The following PHLPP1 variants were observed in gnomAD, a reference collection of about 807,000 sequenced individuals.
PHLPP1 encodes the protein PH domain leucine-rich repeat-containing protein phosphatase 1.
PHLPP1 carries 42 observed loss-of-function variants against 117.2 expected under a neutral mutation model. The ratio of observed to expected loss-of-function variants is 0.36; its 90% CI spans 0.28 to 0.46. The LOEUF (loss-of-function observed/expected upper bound fraction) is 0.46, where lower values mean the gene tolerates loss of function less well. Among genes scored for constraint, PHLPP1 ranks in the 20% least tolerant of loss-of-function variants. The pLI, the probability that PHLPP1 is intolerant of heterozygous loss-of-function variation, is 1.00. For synonymous variants in PHLPP1, 1,042 were observed against 970.7 expected (o/e 1.07, Z -1.37); for missense variants, 2,084 against 2,241.9 (o/e 0.93, Z 1.42).
chr18:62,779,909 G>GATCC (rs761977261), intron 1 of PHLPP1, among the ~76,000 whole-genome samples: 2 of 152,174 alleles, frequency 1.3e-5, no homozygotes, highest in Non-Finnish European at 1.5e-5. Context: ...CTCTGGGCTG[G>GATCC]AGGTCAGGAA....
chr18:62,737,864 T>C (rs1911413048), intron 1 of PHLPP1, among the ~76,000 whole-genome samples: 1 of 152,168 alleles, frequency 6.6e-6, no homozygotes, highest in Non-Finnish European at 1.5e-5. Context: ...GATAATTGTT[T>C]ACAATGTAGA....
intron 10 of PHLPP1, among the ~76,000 whole-genome samples, chr18:62,933,042 A>T (rs1909864614): frequency 6.6e-6 from 1 of 152,224 alleles, no homozygotes; most frequent in Non-Finnish European, 1.5e-5. Context: ...AATACCTAGG[A>T]ATACATTTAT....
intron 1 of PHLPP1, among the ~76,000 whole-genome samples, chr18:62,788,164 T>A (rs1424153375): frequency 3.3e-5 from 5 of 152,176 alleles, no homozygotes; most frequent in Admixed American, 2.0e-4. Context: ...CCTTTTAAGT[T>A]TGTTTTCTTT....
chr18:62,951,887 T>C (rs1910470385), intron 12 of PHLPP1, among the ~76,000 whole-genome samples: 1 of 148,360 alleles, frequency 6.7e-6, no homozygotes, highest in Admixed American at 6.8e-5. Context: ...CGATCTTGGC[T>C]CACTGCAAGC....
chr18:62,979,642 T>C lies in PHLPP1; in HGVS notation c.*211T>C. ...TTCTAGTGATGCTTTACCAATATGATTTACATTTGTTAACTTCTCCCCCTA... is the reference window on the plus strand; with the variant it reads ...TTCTAGTGATGCTTTACCAATATGACTTACATTTGTTAACTTCTCCCCCTA... On this transcript the variant is annotated 3_prime_UTR_variant, in exon 17 of 17. Transcript: ENST00000262719. The C allele has an allele frequency of 3.4e-6, 2 of 587,028 alleles. No homozygotes were observed. The highest frequency in any genetic ancestry group is 3.0e-6 in the Non-Finnish European group (1 of 334,112). 36.4% of individuals were successfully genotyped at this position (587,028 alleles called of 1,614,324 possible). A position where few individuals can be genotyped will look rare whatever the true frequency, so the allele number is the denominator to read the frequency against.
intron 4 of PHLPP1, among the ~76,000 whole-genome samples, chr18:62,869,301 T>C (rs1282561379): frequency 2.0e-5 from 3 of 152,176 alleles, no homozygotes; most frequent in African/African-American, 4.8e-5. Context: ...TCTGCTGGAA[T>C]TGGGGAGAGG....
chr18:62,780,405 C>G (rs117211109), intron 1 of PHLPP1, among the ~76,000 whole-genome samples: 209 of 152,244 alleles, frequency 1.4e-3, no homozygotes, highest in Non-Finnish European at 2.2e-3. Flanking sequence ...GGTTCTCAAC[C>G]TTTTTCTTCT....
intron 1 of PHLPP1, chr18:62,731,362 T>A (rs1170105729): frequency 6.6e-6 from 1 of 152,206 alleles, no homozygotes; most frequent in African/African-American, 2.4e-5. Flanking sequence ...GTTAAGGTGA[T>A]CTGTGATCGG....
chr18:62,777,701 T>A (rs1913002094), intron 1 of PHLPP1, among the ~76,000 whole-genome samples: 1 of 152,170 alleles, frequency 6.6e-6, no homozygotes, highest in Non-Finnish European at 1.5e-5. Flanking sequence ...TTTCCGTCAC[T>A]GTCTATATTT....
At position 62,954,243 on chromosome 18, in the gene PHLPP1, A is replaced by G. The variant is rs768166715; in HGVS notation, c.3325-4386A>G. On this transcript the variant is annotated intron_variant, in intron 12 of 16. Transcript: ENST00000262719. ...CTTACCAGAATTTTGATTATAACAA[A>G]GTAATTTTTGTTAGCTATATTCTAG... is the stretch of plus-strand genomic sequence containing the variant. Among the ~76,000 whole-genome samples the G allele has an allele frequency of 1.1e-4, 16 of 152,226 alleles. 1 individual carries two copies. Among genetic ancestry groups the G allele is most frequent in the Admixed American group, 7.2e-4 (11 of 15,284 alleles).
At chr18:62,804,849 A>G (rs1243935382) in intron 1 of PHLPP1, among the ~76,000 whole-genome samples, 1 of 148,774 alleles carries the variant, frequency 6.7e-6, no homozygotes, top group Non-Finnish European at 1.5e-5. Flanking sequence ...ACAGTATAAT[A>G]TACACTATAT....
At chr18:62,831,366 C>T (rs1340276060) in intron 2 of PHLPP1, among the ~76,000 whole-genome samples, 2 of 148,510 alleles carry the variant, frequency 1.3e-5, no homozygotes, top group Non-Finnish European at 3.0e-5. Context: ...GAGATGGAGT[C>T]TTGCTCTGTT....
chr18:62,754,458 G>A (rs2144239593), intron 1 of PHLPP1, among the ~76,000 whole-genome samples: 1 of 152,350 alleles, frequency 6.6e-6, no homozygotes, highest in Non-Finnish European at 1.5e-5. Context: ...GTAATAAAAT[G>A]TGTTTGGCTT....
chr18:62,715,847 T>G lies in PHLPP1; in HGVS notation c.164T>G (p.Leu55Arg), dbSNP rs1166481756. 5 of 756,244 alleles carry G rather than the reference T, an allele frequency of 6.6e-6. No individual in the cohort carries two copies. The highest frequency in any genetic ancestry group is 8.0e-6 in the Non-Finnish European group (5 of 622,372). 46.8% of individuals were successfully genotyped at this position (756,244 alleles called of 1,614,324 possible). The change falls in exon 1 of 17, where the codon CTG (leucine) becomes CGG (arginine). Residue 55 changes from leucine to arginine, a missense_variant. Physicochemically the swap from Leu to Arg is moderately radical, Grantham distance 102 (BLOSUM62 -2). This residue lies in a region of PHLPP1 where 719 missense variants were observed against 636.0 expected (regional missense o/e 1.13). Coordinates refer to ENST00000262719, the MANE Select transcript of PHLPP1 (RefSeq NM_194449.4). ...AGGGRSPEPA[L>R]TPAAPSGGNG... ...GGCGGCCGGAGTCCGGAGCCCGCGC[T>G]GACCCCGGCGGCCCCGAGCGGCGGG... is the stretch of plus-strand genomic sequence containing the variant.
intron 10 of PHLPP1, among the ~76,000 whole-genome samples, chr18:62,938,137 G>GA (rs2144448210): frequency 6.6e-6 from 1 of 152,316 alleles, no homozygotes; most frequent in Non-Finnish European, 1.5e-5. Flanking sequence ...ATTGCATAGT[G>GA]AAAAATGTTA....
rs200109551 is a variant in PHLPP1, at chr18:62,979,470, G to A, written c.*39G>A. 95 of 1,534,764 alleles carry A rather than the reference G, an allele frequency of 6.2e-5. No individual in the cohort carries two copies. The highest frequency in any genetic ancestry group is 4.6e-5 in the Non-Finnish European group (52 of 1,137,448). ...TTTAACAAATAAACTAACCACAAAAGACTGAGTTGCAAGAGTCTCCCAGGC... is the reference window on the plus strand; with the variant it reads ...TTTAACAAATAAACTAACCACAAAAAACTGAGTTGCAAGAGTCTCCCAGGC... On this transcript the variant is annotated 3_prime_UTR_variant, in exon 17 of 17. Coordinates refer to ENST00000262719, the MANE Select transcript of PHLPP1 (RefSeq NM_194449.4).
intron 3 of PHLPP1, among the ~76,000 whole-genome samples, chr18:62,849,699 G>A (rs780298095): frequency 7.2e-6 from 1 of 138,574 alleles, no homozygotes; most frequent in Non-Finnish European, 1.5e-5. Context: ...GGTGGTTCAT[G>A]CCTGTAATCC....
chr18:62,731,636 A>G (rs1440624328), intron 1 of PHLPP1, among the ~76,000 whole-genome samples: 2 of 152,352 alleles, frequency 1.3e-5, no homozygotes, highest in African/African-American at 4.8e-5. Flanking sequence ...GCTGAATATG[A>G]TTAAACTTTG....
At chr18:62,717,788 C>T (rs572293643) in intron 1 of PHLPP1, among the ~76,000 whole-genome samples, 1 of 152,204 alleles carries the variant, frequency 6.6e-6, no homozygotes, top group African/African-American at 2.4e-5. Flanking sequence ...CATAAATTAC[C>T]CACGGAGCCC....
Sources: gnomAD v4.1 joint callset for allele counts (sites outside exome capture counted in the v4.1 genomes callset) on GRCh38, gnomAD v4.1.1 for gene constraint, gnomAD v4.1.1 regional missense constraint, MANE v1.5 for transcripts, NCBI Gene and HGNC (gene_info 2026-07-23, HGNC 2026-07-21) for gene names.